Variants in DTWD2 observed in about 807,000 individuals in gnomAD.
DTWD2 encodes the protein DTW motif tRNA-uridine aminocarboxypropyltransferase 2.
DTWD2 carries 39 observed loss-of-function variants against 31.8 expected under a neutral mutation model. The observed-to-expected ratio is 1.22, with a 90% CI of 0.95 to 1.60. DTWD2 has a LOEUF of 1.60. DTWD2 is among the 40% of genes most tolerant of loss of function. The pLI, the probability that DTWD2 is intolerant of heterozygous loss-of-function variation, is 0.00. For missense variants in DTWD2, 515 were observed against 381.5 expected (o/e 1.35, Z -2.92); for synonymous variants, 180 against 142.8 (o/e 1.26, Z -1.86).
At chr5:118,955,819 T>C (rs1362997996) in intron 1 of DTWD2, among the ~76,000 whole-genome samples, 1 of 152,152 alleles carries the variant, frequency 6.6e-6, no homozygotes, top group East Asian at 1.9e-4. Context: ...AAAAGTTCCT[T>C]GCTTCCTATG....
intron 4 of DTWD2, among the ~76,000 whole-genome samples, chr5:118,852,209 C>A (rs1752024980): frequency 6.6e-6 from 1 of 152,158 alleles, no homozygotes. Flanking sequence ...CTGTTGTTCC[C>A]TAAAATCACT....
intron 1 of DTWD2, among the ~76,000 whole-genome samples, chr5:118,946,660 CTT>C (rs1391663409): frequency 6.6e-6 from 1 of 151,938 alleles, no homozygotes; most frequent in South Asian, 2.1e-4. Context: ...TAGAGTTTGA[CTT>C]TGAATTTTTT....
intron 4 of DTWD2, among the ~76,000 whole-genome samples, chr5:118,910,444 T>A (rs999137062): frequency 1.3e-5 from 2 of 152,232 alleles, no homozygotes; most frequent in Non-Finnish European, 1.5e-5. Context: ...CTCATCAGAA[T>A]GGCATTTACT....
At chr5:118,874,058 T>A (rs1375688802) in intron 4 of DTWD2, among the ~76,000 whole-genome samples, 1 of 152,170 alleles carries the variant, frequency 6.6e-6, no homozygotes, top group Non-Finnish European at 1.5e-5. Context: ...CCCCAGGAGT[T>A]ACAGCACTCA....
At position 118,898,601 on chromosome 5, in the gene DTWD2, G is replaced by C. The variant is rs145650576; in HGVS notation, c.597+29936C>G. On this transcript the variant is annotated intron_variant, in intron 4 of 5. Coordinates refer to ENST00000510708, the MANE Select transcript of DTWD2 (RefSeq NM_173666.4). ...TTGAACCTGGGAGGCGGAGGTTGCA[G>C]TGAGCTGAGATCATACCACTGCACT... 3.7e-3 allele frequency among the ~76,000 whole-genome samples: 554 copies of C among 148,934 alleles called. 8 individuals carry two copies. The highest frequency in any genetic ancestry group is 0.029 in the East Asian group (148 of 5,060).
At chr5:118,842,818 G>A (rs986249331) in intron 5 of DTWD2, among the ~76,000 whole-genome samples, 5 of 151,494 alleles carry the variant, frequency 3.3e-5, no homozygotes, top group Non-Finnish European at 5.9e-5. Context: ...ATGGTGGTGT[G>A]CACCTGTGGT....
chr5:118,851,839 TAAA>T (rs200893015), intron 4 of DTWD2, among the ~76,000 whole-genome samples: 83 of 124,488 alleles, frequency 6.7e-4, no homozygotes, highest in Middle Eastern at 3.9e-3. Context: ...TAAAGTATAA[TAAA>T]AAAAAAAAAA....
intron 1 of DTWD2, among the ~76,000 whole-genome samples, chr5:118,946,413 A>G (rs182783627): frequency 1.1e-4 from 17 of 152,366 alleles, no homozygotes; most frequent in Admixed American, 7.8e-4. Context: ...GAGGACTGCT[A>G]TAAGAAAGGA....
At chr5:118,853,551 T>C (rs983018862) in intron 4 of DTWD2, among the ~76,000 whole-genome samples, 2 of 152,202 alleles carry the variant, frequency 1.3e-5, no homozygotes, top group Non-Finnish European at 2.9e-5. Flanking sequence ...ATTTGCATTA[T>C]GGAATACTAC....
chr5:118,856,273 T>C (rs61466105), intron 4 of DTWD2, among the ~76,000 whole-genome samples: 10,490 of 152,264 alleles, frequency 0.069, 1,178 homozygotes, highest in African/African-American at 0.23. Flanking sequence ...TATATTCTTC[T>C]ATAACTTGTC....
intron 3 of DTWD2, among the ~76,000 whole-genome samples, chr5:118,931,398 TAAAAAAAAA>T (rs535859715): frequency 9.1e-6 from 1 of 109,782 alleles, no homozygotes; most frequent in African/African-American, 3.5e-5. Context: ...GACCTTGTCT[TAAAAAAAAA>T]AAAAAAAAAA....
At chr5:118,887,874 C>T (rs1480249718) in intron 4 of DTWD2, among the ~76,000 whole-genome samples, 1 of 152,164 alleles carries the variant, frequency 6.6e-6, no homozygotes, top group African/African-American at 2.4e-5. Flanking sequence ...CTCCTAAGCT[C>T]AAGTGACCCT....
chr5:118,953,637 T>C (rs1754515859), intron 1 of DTWD2, among the ~76,000 whole-genome samples: 1 of 152,150 alleles, frequency 6.6e-6, no homozygotes, highest in Non-Finnish European at 1.5e-5. Context: ...AGAAACTTGC[T>C]AGAGAGTTGT....
intron 4 of DTWD2, among the ~76,000 whole-genome samples, chr5:118,904,254 TA>T (rs2149567256): frequency 6.6e-6 from 1 of 152,178 alleles, no homozygotes; most frequent in African/African-American, 2.4e-5. Flanking sequence ...AGAAATCTAA[TA>T]AAAACACCCA....
intron 4 of DTWD2, among the ~76,000 whole-genome samples, chr5:118,921,534 AG>A (rs1318450200): frequency 2.0e-5 from 3 of 150,834 alleles, no homozygotes; most frequent in Admixed American, 6.6e-5. Context: ...AAAAAAAAAA[AG>A]AAAGAAAGAA....
chr5:118,962,469 T>C (rs1754727947), intron 1 of DTWD2, among the ~76,000 whole-genome samples: 2 of 152,156 alleles, frequency 1.3e-5, no homozygotes, highest in South Asian at 2.1e-4. Flanking sequence ...AATTTATTTA[T>C]GGTGACCTGC....
intron 1 of DTWD2, among the ~76,000 whole-genome samples, chr5:118,983,170 T>C (rs1485894952): frequency 2.6e-5 from 4 of 152,070 alleles, no homozygotes; most frequent in East Asian, 3.9e-4. Context: ...TAAATGCCTA[T>C]AGGGGGCCAG....
chr5:118,858,834 G>T (rs1483794121), intron 4 of DTWD2, among the ~76,000 whole-genome samples: 2 of 152,048 alleles, frequency 1.3e-5, no homozygotes, highest in Admixed American at 1.3e-4. Flanking sequence ...AAATACAGCT[G>T]GTATTTTCAA....
chr5:118,947,778 A>T (rs1039429697), intron 1 of DTWD2, among the ~76,000 whole-genome samples: 4 of 152,184 alleles, frequency 2.6e-5, no homozygotes, highest in African/African-American at 9.7e-5. Context: ...CTGGGATTAC[A>T]GGCATGAGCC....
Sources: allele counts gnomAD v4.1 joint callset (sites outside exome capture counted in the v4.1 genomes callset), GRCh38; gene constraint gnomAD v4.1.1; transcripts MANE v1.5; gene names NCBI Gene and HGNC (gene_info 2026-07-23, HGNC 2026-07-21).